FBXO21: variants seen among roughly 807,000 people sequenced by gnomAD.
FBXO21 encodes F-box only protein 21.
In FBXO21, 32 loss-of-function variants were observed where a neutral mutation model predicts 76.6. The ratio of observed to expected loss-of-function variants is 0.42; its 90% confidence interval spans 0.32 to 0.56. FBXO21 has a LOEUF of 0.56. Ranked by LOEUF, FBXO21 falls within the 20% of genes least tolerant of loss-of-function variation. FBXO21 has a pLI of 0.16. For synonymous variants in FBXO21, 328 were observed against 311.5 expected (o/e 1.05, Z -0.56); for missense variants, 586 against 797.3 (o/e 0.73, Z 3.19).
At chr12:117,152,111 C>G (rs113532027) in intron 11 of FBXO21, among the ~76,000 whole-genome samples, 9 of 151,046 alleles carry the variant, frequency 6.0e-5, no homozygotes, top group Non-Finnish European at 1.3e-4. Context: ...AGACTTCACT[C>G]CCAGCTGGCA....
At chr12:117,146,494 C>T (rs1955771837) in intron 11 of FBXO21, among the ~76,000 whole-genome samples, 1 of 152,152 alleles carries the variant, frequency 6.6e-6, no homozygotes, top group Non-Finnish European at 1.5e-5. Flanking sequence ...TCAAGAGCTC[C>T]CCACGGAACA....
At chr12:117,147,097 C>G (rs894124096) in intron 11 of FBXO21, among the ~76,000 whole-genome samples, 3 of 151,428 alleles carry the variant, frequency 2.0e-5, no homozygotes, top group African/African-American at 4.9e-5. Context: ...CAAAAACTAG[C>G]CAGGCATGGT....
intron 9 of FBXO21, among the ~76,000 whole-genome samples, chr12:117,161,582 C>T (rs1171781409): frequency 1.3e-5 from 2 of 152,156 alleles, no homozygotes; most frequent in African/African-American, 4.8e-5. Flanking sequence ...GGCACTGCTT[C>T]GGGCTGCAGA....
Position 117,146,326 on chromosome 12 carries a change from G to C in FBXO21, c.1676-49C>G, listed in dbSNP as rs774231027. ...CATTCTCATTACAATGTCCATTGCTGCCACACCTTTCATCCAGAGAACCTC... is the reference window on the plus strand; with the variant it reads ...CATTCTCATTACAATGTCCATTGCTCCCACACCTTTCATCCAGAGAACCTC... On this transcript the variant is annotated intron_variant, in intron 11 of 11. Transcript: ENST00000622495. 4.1e-6 allele frequency: 6 copies of C among 1,480,000 alleles called. No homozygotes were observed. The South Asian group carries it at 7.8e-5, about 19-fold the overall frequency. 91.7% of individuals were successfully genotyped at this position (1,480,000 alleles called of 1,614,324 possible).
At chr12:117,169,564 GA>G (rs956148485) in intron 7 of FBXO21, among the ~76,000 whole-genome samples, 20 of 145,602 alleles carry the variant, frequency 1.4e-4, no homozygotes, top group African/African-American at 3.3e-4. Context: ...AAAGAATTTT[GA>G]AAAAAAAAAA....
rs569167354 is a variant in FBXO21, at chr12:117,143,140, C to T, written c.*2947G>A. On this transcript the variant is annotated 3_prime_UTR_variant, in exon 12 of 12. Transcript: ENST00000622495. Reference sequence around the variant, plus strand: ...GATTCTAAGGTAAACTCATTTTGGACATAACTGATGTCTCACTGAGACAGC... The same window carrying T: ...GATTCTAAGGTAAACTCATTTTGGATATAACTGATGTCTCACTGAGACAGC... 1 of 152,302 alleles carries T rather than the reference C, an allele frequency of 6.6e-6. No homozygotes were observed. Among genetic ancestry groups the T allele is most frequent in the East Asian group, 1.9e-4 (1 of 5,184 alleles). The allele number at this position is 152,302 out of a possible 1,614,324, so 9.4% of individuals were successfully genotyped here. A position where few individuals can be genotyped will look rare whatever the true frequency, so the allele number is the denominator to read the frequency against.
At chr12:117,150,856 A>C (rs1955829426) in intron 11 of FBXO21, among the ~76,000 whole-genome samples, 1 of 125,714 alleles carries the variant, frequency 8.0e-6, no homozygotes, top group Non-Finnish European at 1.7e-5. Flanking sequence ...GCCAGCAGGT[A>C]CAGCTGGCCA....
At chr12:117,184,854 A>AT (rs1188962362) in intron 3 of FBXO21, among the ~76,000 whole-genome samples, 2 of 152,272 alleles carry the variant, frequency 1.3e-5, no homozygotes, top group Non-Finnish European at 2.9e-5. Context: ...ATGGATTTCC[A>AT]TAAGGTACTG....
In FBXO21 at chr12:117,146,070, A is replaced by T; in HGVS notation, c.*17T>A. ...AAGATAGCAGCAGCAGCAAAGGTGCAATGTCCTCTCTAGACTTTACTCATC... is the reference window on the plus strand; with the variant it reads ...AAGATAGCAGCAGCAGCAAAGGTGCTATGTCCTCTCTAGACTTTACTCATC... On this transcript the variant is annotated 3_prime_UTR_variant, in exon 12 of 12. Transcript: ENST00000622495. The T allele has an allele frequency of 6.5e-7, 1 of 1,549,390 alleles. No homozygotes were observed. Among genetic ancestry groups the T allele is most frequent in the Non-Finnish European group, 8.7e-7 (1 of 1,149,376 alleles).
At chr12:117,178,731 C>T (rs1956200191) in intron 3 of FBXO21, among the ~76,000 whole-genome samples, 2 of 152,088 alleles carry the variant, frequency 1.3e-5, no homozygotes, top group East Asian at 3.9e-4. Context: ...TCCTAGGTTT[C>T]AACTCAAATG....
At chr12:117,148,472 A>G (rs189950120) in intron 11 of FBXO21, among the ~76,000 whole-genome samples, 1 of 152,352 alleles carries the variant, frequency 6.6e-6, no homozygotes, top group East Asian at 1.9e-4. Context: ...AGATCCTCCA[A>G]GAAAGGTGGG....
intron 9 of FBXO21, among the ~76,000 whole-genome samples, chr12:117,161,132 C>A (rs566773986): frequency 6.6e-6 from 1 of 151,930 alleles, no homozygotes; most frequent in Non-Finnish European, 1.5e-5. Context: ...AGCACAGGAA[C>A]GACGGGAAAA....
intron 3 of FBXO21, 110 bp downstream of exon 3, chr12:117,186,367 G>C: frequency 1.3e-6 from 1 of 756,864 alleles, no homozygotes; most frequent in Non-Finnish European, 2.3e-6. Flanking sequence ...ACTATGACAA[G>C]GCGTGAAATA....
intron 7 of FBXO21, among the ~76,000 whole-genome samples, chr12:117,171,269 G>C (rs895745059): frequency 8.8e-5 from 13 of 147,930 alleles, no homozygotes; most frequent in African/African-American, 2.7e-4. Context: ...GGGGTGGGAG[G>C]ATGGCTTGAG....
At chr12:117,148,197 A>T (rs1955800831) in intron 11 of FBXO21, among the ~76,000 whole-genome samples, 1 of 152,184 alleles carries the variant, frequency 6.6e-6, no homozygotes, top group African/African-American at 2.4e-5. Flanking sequence ...GAGCTGAAGA[A>T]ATGTGAGAAT....
intron 10 of FBXO21, 68 bp from the exon 11 acceptor site, chr12:117,156,016 G>T: frequency 6.7e-7 from 1 of 1,499,092 alleles, no homozygotes; most frequent in Non-Finnish European, 9.3e-7. Context: ...ACAACCGCGT[G>T]GCTTCTCAGC....
chr12:117,146,093 A>G lies in FBXO21; in HGVS notation c.1860T>C (p.Asp620=). 2 of 1,595,778 alleles carry G rather than the reference A, an allele frequency of 1.3e-6. No individual in the cohort carries two copies. Among genetic ancestry groups the G allele is most frequent in the Non-Finnish European group, 1.7e-6 (2 of 1,173,008 alleles). ...GCAATGTCCTCTCTAGACTTTACTC[A>G]TCTATGTTCTCTTTCTTTGCACTGT... ...NIYSAKKENI[D]E Residue 620 remains aspartate (D), a synonymous_variant, in exon 12 of 12, where the codon GAT becomes GAC. Coordinates refer to ENST00000622495, the MANE Select transcript of FBXO21 (RefSeq NM_015002.3).
At chr12:117,148,771 G>T (rs1436174702) in intron 11 of FBXO21, among the ~76,000 whole-genome samples, 1 of 152,152 alleles carries the variant, frequency 6.6e-6, no homozygotes, top group Non-Finnish European at 1.5e-5. Flanking sequence ...AGGCGGGGAG[G>T]GGCTGGGTAG....
At chr12:117,160,674 A>G (rs1217480263) in intron 9 of FBXO21, among the ~76,000 whole-genome samples, 2 of 152,158 alleles carry the variant, frequency 1.3e-5, no homozygotes, top group Non-Finnish European at 2.9e-5. Context: ...CCCAGGCTGG[A>G]GTGCAGTGAT....
Sources: gnomAD v4.1 joint callset for allele counts (sites outside exome capture counted in the v4.1 genomes callset) on GRCh38, gnomAD v4.1.1 for gene constraint, MANE v1.5 for transcripts, NCBI Gene and HGNC (gene_info 2026-07-23, HGNC 2026-07-21) for gene names.